The following RTL9 variants were observed in gnomAD, a reference collection of about 807,000 sequenced individuals.
The protein encoded by RTL9 is retrotransposon Gag like 9.
In RTL9, 19 loss-of-function variants were observed where a neutral mutation model predicts 44.7. The ratio of observed to expected loss-of-function variants is 0.42; its 90% CI spans 0.30 to 0.62. RTL9 has a LOEUF of 0.62. Among genes scored for constraint, RTL9 ranks in the 20% least tolerant of loss-of-function variants. The probability of loss-of-function intolerance (pLI) is 0.16; values close to 1 mark genes in which losing one functional copy is unlikely to be tolerated. For synonymous variants in RTL9, 407 were observed against 398.9 expected, an observed-to-expected ratio of 1.02 and a Z score of -0.24; for missense variants, 1,105 against 1,080.6, an observed-to-expected ratio of 1.02 and a Z score of -0.32.
chrX:110,428,801 T>C (rs1444907617), intron 1 of RTL9, among the ~76,000 whole-genome samples: 1 of 111,820 alleles, frequency 8.9e-6, no homozygotes, highest in Non-Finnish European at 1.9e-5. Flanking sequence ...CATCTGAGGG[T>C]CCTGGTGCAA....
intron 1 of RTL9, among the ~76,000 whole-genome samples, chrX:110,454,867 T>C (rs907683075): frequency 1.8e-5 from 2 of 111,583 alleles, no homozygotes; most frequent in African/African-American, 6.5e-5. Context: ...TGAGGAGCAA[T>C]GTCCTGCCCA....
At chrX:110,385,486 T>C (rs1038692769) in intron 1 of RTL9, among the ~76,000 whole-genome samples, 2 of 111,433 alleles carry the variant, frequency 1.8e-5, no homozygotes, top group African/African-American at 6.5e-5. Flanking sequence ...AGGAATCTCA[T>C]ACCCACTGGT....
upstream of RTL9, among the ~76,000 whole-genome samples, chrX:110,414,571 G>A (rs937822371): frequency 2.7e-5 from 3 of 113,127 alleles, no homozygotes; most frequent in Admixed American, 1.9e-4. Flanking sequence ...AGGAAGCTGA[G>A]GCACAGACAG....
chrX:110,390,492 T>C (rs1365663296), intron 1 of RTL9, among the ~76,000 whole-genome samples: 1 of 112,057 alleles, frequency 8.9e-6, no homozygotes, highest in Admixed American at 9.5e-5. Flanking sequence ...AGTGTTTTTT[T>C]AAATATTTTA....
rs1255305482 is a variant in RTL9, at chrX:110,394,449, C to T, written c.-168+35533C>T. On this transcript the variant is annotated intron_variant, in intron 1 of 2. Coordinates refer to the RTL9 transcript ENST00000520821. ...TGTATTTTTAGTAGAGACAGGGTTT[C>T]ACCATGTTGCCCAGGCTGGTATTTG... Among the ~76,000 whole-genome samples the T allele has an allele frequency of 2.7e-5, 3 of 112,045 alleles. No individual in the cohort carries two copies. In the East Asian group the frequency reaches 8.4e-4, roughly 31 times the overall value.
At position 110,376,615 on chromosome X, in the gene RTL9, C is replaced by A. The variant is rs779601106; in HGVS notation, c.-168+17699C>A. The stretch of plus-strand genomic sequence containing the variant: ...TGCCCTATGAGGCAGCACCAACACT[C>A]AGAAGAAAACAAAAAAGAAACTCTT... On this transcript the variant is annotated intron_variant, in intron 1 of 2. Coordinates refer to the RTL9 transcript ENST00000520821. Among the ~76,000 whole-genome samples, 6 of 112,199 alleles carry A rather than the reference C, an allele frequency of 5.3e-5. 1 individual carries two copies. In the South Asian group the frequency reaches 2.3e-3, roughly 43 times the overall value.
chrX:110,454,231 T>C, exon 1 of RTL9: 1 of 1,211,863 alleles, frequency 8.3e-7, no homozygotes, highest in Non-Finnish European at 1.1e-6. Context: ...ATCTTGCAAA[T>C]GGAGGTAGGA....
intron 1 of RTL9, among the ~76,000 whole-genome samples, chrX:110,426,001 C>T (rs749206329): frequency 3.1e-4 from 35 of 111,724 alleles, no homozygotes; most frequent in African/African-American, 9.1e-4. Flanking sequence ...CACACACAAA[C>T]GCACACACAC....
chrX:110,379,394 C>T (rs2068402634), intron 1 of RTL9, among the ~76,000 whole-genome samples: 4 of 112,135 alleles, frequency 3.6e-5, no homozygotes, highest in Admixed American at 2.8e-4. Flanking sequence ...TAGGCTGCTA[C>T]CTTCATTTTA....
intron 1 of RTL9, among the ~76,000 whole-genome samples, chrX:110,430,692 A>G (rs1193008452): frequency 3.6e-5 from 4 of 112,548 alleles, no homozygotes; most frequent in Non-Finnish European, 5.6e-5. Flanking sequence ...ACCCTTGTAT[A>G]TAGGGTTTTC....
chrX:110,410,802 C>A (rs2068636964), intron 1 of RTL9, among the ~76,000 whole-genome samples: 1 of 111,875 alleles, frequency 8.9e-6, no homozygotes, highest in Admixed American at 9.4e-5. Flanking sequence ...TAGCTGGGGC[C>A]TTGGGACAAG....
At chrX:110,424,077 G>A (rs945307936) in intron 1 of RTL9, among the ~76,000 whole-genome samples, 2 of 111,436 alleles carry the variant, frequency 1.8e-5, no homozygotes, top group African/African-American at 6.5e-5. Flanking sequence ...AAAGCTATGA[G>A]GTAGGTACTA....
exon 1 of RTL9, chrX:110,452,772 C>G (rs764969366): frequency 8.3e-7 from 1 of 1,209,031 alleles, no homozygotes; most frequent in African/African-American, 1.8e-5. Context: ...TGGAAAGATG[C>G]TCAGTCAGCC....
At chrX:110,379,079 C>T (rs2068399883) in intron 1 of RTL9, among the ~76,000 whole-genome samples, 1 of 112,017 alleles carries the variant, frequency 8.9e-6, no homozygotes. Context: ...GAGACCTTTC[C>T]CTGATTTTTT....
intron 1 of RTL9, among the ~76,000 whole-genome samples, chrX:110,414,040 G>T (rs2068660048): frequency 8.9e-6 from 1 of 111,845 alleles, no homozygotes. Flanking sequence ...AGTCAGGTCT[G>T]TTTGCTTTCA....
At chrX:110,456,158 A>G (rs1392368080) in exon 2 of RTL9, 1 of 112,384 alleles carries the variant, frequency 8.9e-6, no homozygotes, top group Non-Finnish European at 1.9e-5. Context: ...GTCTTGGTCT[A>G]TAAACAGGCA....
exon 1 of RTL9, chrX:110,451,406 G>A (rs754512240): frequency 9.9e-6 from 12 of 1,209,842 alleles, no homozygotes; most frequent in Admixed American, 6.5e-5. Flanking sequence ...TGTCAGGCAC[G>A]GACTCTGAAG....
At chrX:110,406,124 T>C (rs2068599563) in intron 1 of RTL9, among the ~76,000 whole-genome samples, 1 of 110,611 alleles carries the variant, frequency 9.0e-6, no homozygotes, top group African/African-American at 3.3e-5. Context: ...GTTTTTTTTT[T>C]TTCTTCAAGT....
chrX:110,450,597 T>C (rs1335826432), exon 1 of RTL9: 2 of 1,188,329 alleles, frequency 1.7e-6, no homozygotes, highest in African/African-American at 1.8e-5. Flanking sequence ...CCCTCCACAC[T>C]ATCCTGTGGC....
Sources: allele counts gnomAD v4.1 joint callset (sites outside exome capture counted in the v4.1 genomes callset), GRCh38; gene constraint gnomAD v4.1.1; transcripts MANE v1.5; gene names NCBI Gene and HGNC (gene_info 2026-07-23, HGNC 2026-07-21).